The following UBE4B variants were observed in gnomAD, a reference collection of about 807,000 sequenced individuals.
UBE4B encodes ubiquitination factor E4B.
In UBE4B, 27 loss-of-function variants were observed where a neutral mutation model predicts 148.1. That is an observed-to-expected ratio of 0.18 (90% CI 0.13 to 0.25). The LOEUF (loss-of-function observed/expected upper bound fraction) is 0.25, where lower values mean the gene tolerates loss of function less well. Ranked by LOEUF, UBE4B falls within the 10% of genes least tolerant of loss-of-function variation. The probability of loss-of-function intolerance (pLI) is 1.00; values close to 1 mark genes in which losing one functional copy is unlikely to be tolerated. For synonymous variants in UBE4B, 596 were observed against 619.3 expected, an observed-to-expected ratio of 0.96 and a Z score of 0.56; for missense variants, 1,170 against 1,662.4, an observed-to-expected ratio of 0.70 and a Z score of 5.15.
intron 5 of UBE4B, among the ~76,000 whole-genome samples, chr1:10,104,672 T>C (rs1645076961): frequency 1.3e-5 from 2 of 152,252 alleles, no homozygotes; most frequent in African/African-American, 4.8e-5. Flanking sequence ...TGCTACTTGT[T>C]ATTCTTATTA....
At chr1:10,064,625 C>T (rs750838333) in intron 1 of UBE4B, among the ~76,000 whole-genome samples, 1 of 152,142 alleles carries the variant, frequency 6.6e-6, no homozygotes, top group Non-Finnish European at 1.5e-5. Flanking sequence ...ATCACCTCGT[C>T]TCTTTGTCAC....
intron 15 of UBE4B, among the ~76,000 whole-genome samples, chr1:10,133,338 T>C (rs529275273): frequency 6.6e-6 from 1 of 152,250 alleles, no homozygotes; most frequent in East Asian, 1.9e-4. Context: ...CAGTGACTCC[T>C]CTGTGCCTCC....
chr1:10,059,365 G>T (rs545008241), intron 1 of UBE4B: 3 of 190,458 alleles, frequency 1.6e-5, no homozygotes, highest in South Asian at 1.0e-4. Context: ...GAGTCTGAAG[G>T]ACACTATTGT....
At chr1:10,149,314 A>G in intron 20 of UBE4B, 32 bp downstream of exon 20, 1 of 1,475,200 alleles carries the variant, frequency 6.8e-7, no homozygotes, top group Non-Finnish European at 9.3e-7. Flanking sequence ...CATAGTTCTA[A>G]TATGTTTTTA....
At chr1:10,085,821 G>A (rs907714879) in intron 2 of UBE4B, among the ~76,000 whole-genome samples, 3 of 151,338 alleles carry the variant, frequency 2.0e-5, no homozygotes, top group East Asian at 3.9e-4. Flanking sequence ...ACAGAGTCTC[G>A]CCCTGTTCCC....
rs373702532 is a variant in UBE4B at position 10,168,124 on chromosome 1, G to A, written c.3199-12G>A. ...ACCGAGCCTTACTCAGCGTCTGTTC[G>A]ATGTGTCCTAGGATCAGCAGCAGGC... On this transcript the variant is annotated splice_polypyrimidine_tract_variant and intron_variant, in intron 23 of 27. Transcript: ENST00000343090. The surrounding 1 kb of genome is among the most constrained non-coding windows in gnomAD (Gnocchi z 4.9). 13 of 1,610,520 alleles carry A rather than the reference G, an allele frequency of 8.1e-6. No homozygotes were observed. The highest frequency in any genetic ancestry group is 2.2e-5 in the South Asian group (2 of 90,882).
intron 17 of UBE4B, among the ~76,000 whole-genome samples, chr1:10,138,350 G>C (rs1375371284): frequency 6.6e-6 from 1 of 152,018 alleles, no homozygotes; most frequent in African/African-American, 2.4e-5. Flanking sequence ...GCCCGCCTCA[G>C]CCTCCCAAAG....
Position 10,142,668 on chromosome 1 carries a change from C to G in UBE4B, c.2364-2272C>G, listed in dbSNP as rs898468583. On this transcript the variant is annotated intron_variant, in intron 17 of 27. Coordinates refer to ENST00000343090, the MANE Select transcript of UBE4B (RefSeq NM_001105562.3). The stretch of plus-strand genomic sequence containing the variant: ...CCTGGGAGACAGAGCGAGACTGTCT[C>G]AAAAAAAGAAGATGAAGGTTGCATT... Among the ~76,000 whole-genome samples, 45 of 151,746 alleles carry G rather than the reference C, an allele frequency of 3.0e-4. 1 individual carries two copies.
At chr1:10,145,345 C>A (rs1023074278) in intron 18 of UBE4B, 4 of 172,160 alleles carry the variant, frequency 2.3e-5, no homozygotes, top group African/African-American at 9.5e-5. Flanking sequence ...CACCTGTAAT[C>A]CCAGCACTTT....
At chr1:10,078,288 T>C (rs1338031013) in intron 2 of UBE4B, among the ~76,000 whole-genome samples, 1 of 152,144 alleles carries the variant, frequency 6.6e-6, no homozygotes, top group East Asian at 1.9e-4. Flanking sequence ...GGATTACAGA[T>C]GTGAGCCACC....
chr1:10,145,066 T>C, intron 18 of UBE4B, 27 bp downstream of exon 18: 1 of 1,572,282 alleles, frequency 6.4e-7, no homozygotes, highest in Non-Finnish European at 8.7e-7. Context: ...GGAATAATTA[T>C]AGACCAGCCT....
At position 10,131,346 on chromosome 1, in the gene UBE4B, G is replaced by A. The variant is rs575394355; in HGVS notation, c.1911+533G>A. On this transcript the variant is annotated intron_variant, in intron 14 of 27. Coordinates refer to ENST00000343090, the MANE Select transcript of UBE4B (RefSeq NM_001105562.3). ...ACAAAAATTAGCCAGGCATGGCAGC[G>A]CGTGCCTGTAATCCCAGCTACCTAG... is the stretch of plus-strand genomic sequence containing the variant. 3.3e-5 allele frequency among the ~76,000 whole-genome samples: 5 copies of A among 152,080 alleles called. No homozygotes were observed. The East Asian group carries it at 5.8e-4, about 18-fold the overall frequency.
intron 25 of UBE4B, 24 bp downstream of exon 25, chr1:10,171,353 C>T (rs536255023): frequency 1.2e-6 from 2 of 1,604,540 alleles, no homozygotes; most frequent in Admixed American, 1.7e-5. Flanking sequence ...GTTGGTCTCT[C>T]TGTGAGTTTA....
intron 7 of UBE4B, among the ~76,000 whole-genome samples, chr1:10,111,032 T>C (rs188166092): frequency 2.8e-3 from 239 of 86,862 alleles, no homozygotes; most frequent in Non-Finnish European, 4.1e-3. Flanking sequence ...CTCTCTGTCT[T>C]TCTCTGTCTC....
chr1:10,125,806 T>C (rs1645483135), intron 10 of UBE4B, among the ~76,000 whole-genome samples: 1 of 152,208 alleles, frequency 6.6e-6, no homozygotes. Context: ...AGATTTGAGT[T>C]CCTTTAAGTG....
chr1:10,121,911 C>A, intron 9 of UBE4B, 51 bp from the exon 10 acceptor site: 1 of 1,257,502 alleles, frequency 8.0e-7, no homozygotes, highest in Non-Finnish European at 1.1e-6. Flanking sequence ...TTTCACGTGC[C>A]TCTGTAGTGA....
At chr1:10,073,632 A>G (rs149866431) in intron 2 of UBE4B, among the ~76,000 whole-genome samples, 2 of 152,246 alleles carry the variant, frequency 1.3e-5, no homozygotes, top group African/African-American at 4.8e-5. Flanking sequence ...AGGCATGAGA[A>G]TTGCTTAAAC....
At chr1:10,035,747 AT>A (rs1167145830) in intron 1 of UBE4B, among the ~76,000 whole-genome samples, 1 of 112,876 alleles carries the variant, frequency 8.9e-6, no homozygotes, top group Non-Finnish European at 1.9e-5. Flanking sequence ...TATTTATTTT[AT>A]TTTATTTTTT....
At chr1:10,179,842 C>T in intron 27 of UBE4B, 53 bp from the exon 28 acceptor site, 1 of 1,600,406 alleles carries the variant, frequency 6.2e-7, no homozygotes, top group Non-Finnish European at 8.5e-7. Flanking sequence ...CATCCTCTCT[C>T]AGGAAGAGCC....
Sources: allele counts gnomAD v4.1 joint callset (sites outside exome capture counted in the v4.1 genomes callset), GRCh38; gene constraint gnomAD v4.1.1; non-coding constraint Gnocchi (gnomAD v3.1); transcripts MANE v1.5; gene names NCBI Gene and HGNC (gene_info 2026-07-23, HGNC 2026-07-21).